Variants in PSD3 observed in about 807,000 individuals in gnomAD.
PSD3 encodes the protein pleckstrin and Sec7 domain containing 3.
Under a neutral mutation model 105.5 loss-of-function variants are expected in PSD3, and 49 were observed. That is an observed-to-expected ratio of 0.46 (90% CI 0.37 to 0.59). The LOEUF is 0.59. Ranked by LOEUF, PSD3 falls within the 20% of genes least tolerant of loss-of-function variation. The pLI is 0.00. For missense variants in PSD3, 1,561 were observed against 1,263.8 expected (o/e 1.24, Z -3.57); for synonymous variants, 557 against 457.8 (o/e 1.22, Z -2.77).
intron 1 of PSD3, among the ~76,000 whole-genome samples, chr8:19,034,217 T>C (rs1393136407): frequency 6.6e-6 from 1 of 152,126 alleles, no homozygotes; most frequent in East Asian, 1.9e-4. Context: ...AAAAGTTTGC[T>C]CTCTATAATA....
At chr8:18,795,215 T>C (rs1810068141) in intron 8 of PSD3, among the ~76,000 whole-genome samples, 1 of 152,108 alleles carries the variant, frequency 6.6e-6, no homozygotes, top group Admixed American at 6.5e-5. Flanking sequence ...AACCCAACAC[T>C]AAAAACATTA....
intron 9 of PSD3, among the ~76,000 whole-genome samples, chr8:18,752,705 A>AT (rs1805714614): frequency 8.6e-6 from 1 of 116,730 alleles, no homozygotes; most frequent in Non-Finnish European, 1.7e-5. Context: ...TATAATATAT[A>AT]ATATATATAT....
rs143392033 is a variant in PSD3 at position 19,076,061 on chromosome 8, C to T, written c.324+8145G>A. On this transcript the variant is annotated intron_variant, in intron 1 of 1. Transcript: ENST00000521475. ...GCAGGCGCCAGCCAGAAGTGGCTCA[C>T]GAAACAGTATAAAAAGATAGGTTGT... is the stretch of plus-strand genomic sequence containing the variant. 7.1e-3 allele frequency among the ~76,000 whole-genome samples: 1,081 copies of T among 151,698 alleles called. 9 individuals carry two copies. Among genetic ancestry groups the T allele is most frequent in the Non-Finnish European group, 0.011 (777 of 67,976 alleles).
chr8:18,916,786 T>C (rs936163964), intron 2 of PSD3, among the ~76,000 whole-genome samples: 9 of 152,126 alleles, frequency 5.9e-5, no homozygotes, highest in Non-Finnish European at 8.8e-5. Context: ...ATTAATTTAA[T>C]TTAATCATAT....
intron 4 of PSD3, among the ~76,000 whole-genome samples, chr8:18,830,330 A>T (rs1046525234): frequency 2.0e-5 from 3 of 152,228 alleles, no homozygotes; most frequent in African/African-American, 7.2e-5. Context: ...TTTAGGTCCT[A>T]CAAGTGCTGT....
intron 11 of PSD3, among the ~76,000 whole-genome samples, chr8:18,630,987 G>C (rs1386413131): frequency 6.6e-6 from 1 of 151,900 alleles, no homozygotes; most frequent in South Asian, 2.1e-4. Context: ...ACCTGTCAGA[G>C]GCCCTGGAAT....
chr8:18,779,535 G>C (rs1314226034), intron 8 of PSD3, among the ~76,000 whole-genome samples: 2 of 151,910 alleles, frequency 1.3e-5, no homozygotes, highest in Non-Finnish European at 2.9e-5. Flanking sequence ...TGCATCAATA[G>C]GTTCTTTAAA....
chr8:18,696,218 C>T (rs1030195932), intron 9 of PSD3, among the ~76,000 whole-genome samples: 84 of 152,328 alleles, frequency 5.5e-4, no homozygotes, highest in African/African-American at 1.9e-3. Context: ...TTCCTCTCTG[C>T]CCAATCCTGC....
chr8:18,595,117 A>G (rs1199158184), intron 12 of PSD3, among the ~76,000 whole-genome samples: 1 of 152,018 alleles, frequency 6.6e-6, no homozygotes, highest in Non-Finnish European at 1.5e-5. Flanking sequence ...ATAATTTGTG[A>G]CGGAGTAAAA....
chr8:19,067,133 G>T (rs1418668693), intron 1 of PSD3, among the ~76,000 whole-genome samples: 7 of 152,174 alleles, frequency 4.6e-5, no homozygotes, highest in African/African-American at 1.7e-4. Flanking sequence ...TAAAAAAATT[G>T]ATCAGTTTGC....
At chr8:18,672,915 G>C (rs554645775) in intron 9 of PSD3, among the ~76,000 whole-genome samples, 1 of 151,956 alleles carries the variant, frequency 6.6e-6, no homozygotes, top group African/African-American at 2.4e-5. Context: ...CTAGTCCCTG[G>C]AAATTATTCC....
At chr8:18,594,020 T>C (rs77625566) in intron 12 of PSD3, among the ~76,000 whole-genome samples, 3,434 of 140,966 alleles carry the variant, frequency 0.024, 194 homozygotes, top group East Asian at 0.19. Context: ...ACATACCTAA[T>C]GCAAATGACG....
chr8:18,938,043 C>A (rs1397855739), intron 1 of PSD3, among the ~76,000 whole-genome samples: 1 of 152,140 alleles, frequency 6.6e-6, no homozygotes, highest in African/African-American at 2.4e-5. Context: ...GAGTGTAGCT[C>A]AAGGAAAGGA....
chr8:18,810,409 T>C (rs1209815944), intron 4 of PSD3, among the ~76,000 whole-genome samples: 3 of 152,218 alleles, frequency 2.0e-5, no homozygotes, highest in South Asian at 2.1e-4. Context: ...CTGACATCAG[T>C]AGAATACTAT....
At chr8:19,064,794 T>C (rs1052070996) in intron 1 of PSD3, among the ~76,000 whole-genome samples, 1 of 151,428 alleles carries the variant, frequency 6.6e-6, no homozygotes, top group Non-Finnish European at 1.5e-5. Flanking sequence ...GGTCCAAACA[T>C]GAAATGCCAG....
chr8:18,635,792 C>T (rs1268401460), intron 10 of PSD3, among the ~76,000 whole-genome samples: 1 of 151,740 alleles, frequency 6.6e-6, no homozygotes, highest in Non-Finnish European at 1.5e-5. Flanking sequence ...GAATAGAAAA[C>T]CAAACACCAC....
chr8:18,625,674 G>GCTA (rs753638095), intron 11 of PSD3, among the ~76,000 whole-genome samples: 1 of 152,098 alleles, frequency 6.6e-6, no homozygotes, highest in African/African-American at 2.4e-5. Context: ...TTAACAATAT[G>GCTA]CTACTATTAG....
chr8:19,080,364 C>G (rs1259012528), intron 1 of PSD3, among the ~76,000 whole-genome samples: 1 of 152,132 alleles, frequency 6.6e-6, no homozygotes, highest in African/African-American at 2.4e-5. Context: ...GTCAGCAAAA[C>G]CAGAGCTTCT....
At chr8:18,740,900 G>C (rs1198400611) in intron 9 of PSD3, among the ~76,000 whole-genome samples, 1 of 152,124 alleles carries the variant, frequency 6.6e-6, no homozygotes, top group African/African-American at 2.4e-5. Flanking sequence ...GACTTTCCCA[G>C]TGACTTCCGG....
Sources: gnomAD v4.1 joint callset for allele counts (sites outside exome capture counted in the v4.1 genomes callset) on GRCh38, gnomAD v4.1.1 for gene constraint, MANE v1.5 for transcripts, NCBI Gene and HGNC (gene_info 2026-07-23, HGNC 2026-07-21) for gene names.